The following RTN4 variants were observed in gnomAD, a reference collection of about 807,000 sequenced individuals.
The protein encoded by RTN4 is reticulon 4, also known as reticulon-4.
A neutral mutation model predicts 90.4 loss-of-function variants in RTN4; 32 were observed. The ratio of observed to expected loss-of-function variants is 0.35; its 90% CI spans 0.27 to 0.48. RTN4 has a LOEUF of 0.48. Among genes scored for constraint, RTN4 ranks in the 20% least tolerant of loss-of-function variants. RTN4 has a pLI of 0.99. For synonymous variants in RTN4, 629 were observed against 552.5 expected (o/e 1.14, Z -1.94); for missense variants, 1,706 against 1,430.2 (o/e 1.19, Z -3.11).
chr2:54,993,995 C>G (rs1378660309), intron 3 of RTN4, among the ~76,000 whole-genome samples: 3 of 152,320 alleles, frequency 2.0e-5, no homozygotes, highest in Middle Eastern at 3.4e-3. Context: ...GTGTGGCTGA[C>G]TTAATTGACA....
intron 3 of RTN4, among the ~76,000 whole-genome samples, chr2:54,998,690 G>A (rs1228650883): frequency 6.6e-6 from 1 of 152,076 alleles, no homozygotes; most frequent in Non-Finnish European, 1.5e-5. Context: ...TTGCTGCACT[G>A]TCTGAATAGC....
At chr2:55,124,626 A>T in the RTN4 span, among the ~76,000 whole-genome samples, 2 of 152,268 alleles carry the variant, frequency 1.3e-5, no homozygotes, top group Non-Finnish European at 2.9e-5. Context: ...GTATCATTAA[A>T]ATGGCTATAC....
At chr2:55,096,947 C>T (rs1431654121) in intron 1 of RTN4, among the ~76,000 whole-genome samples, 1 of 151,728 alleles carries the variant, frequency 6.6e-6, no homozygotes, top group Non-Finnish European at 1.5e-5. Context: ...TAGGTAGATG[C>T]GAGGTATTTA....
At position 55,100,036 on chromosome 2, in the gene RTN4, C is replaced by A. The variant is rs576758172; in HGVS notation, c.-214+12484G>T. ...TTTAGAGAACTAGTCTAAGTTACAT[C>A]TGCAACATTTGTCCTACTAATCTGC... is the stretch of plus-strand genomic sequence containing the variant. On this transcript the variant is annotated intron_variant, in intron 1 of 3. Coordinates refer to the RTN4 transcript ENST00000427710. 3.9e-5 allele frequency among the ~76,000 whole-genome samples: 6 copies of A among 152,220 alleles called. No homozygotes were observed. The South Asian group carries it at 1.2e-3, about 32-fold the overall frequency.
At chr2:55,010,050 T>C (rs765652891) in intron 3 of RTN4, 2 of 1,603,000 alleles carry the variant, frequency 1.2e-6, no homozygotes, top group African/African-American at 1.3e-5. Context: ...AGTGGTCACA[T>C]ATAAAAACTG....
At chr2:55,095,701 G>A (rs1201487782) in intron 1 of RTN4, among the ~76,000 whole-genome samples, 2 of 152,058 alleles carry the variant, frequency 1.3e-5, no homozygotes, top group Non-Finnish European at 2.9e-5. Flanking sequence ...ACCACACCTG[G>A]CTAATTTTTA....
the RTN4 span, among the ~76,000 whole-genome samples, chr2:55,130,723 G>C: frequency 5.9e-5 from 9 of 152,066 alleles, no homozygotes; most frequent in African/African-American, 1.2e-4. Flanking sequence ...ATTTACAATA[G>C]ATCTTGCCAA....
At chr2:55,037,250 C>T (rs1424033321) in intron 1 of RTN4, among the ~76,000 whole-genome samples, 1 of 152,164 alleles carries the variant, frequency 6.6e-6, no homozygotes, top group Non-Finnish European at 1.5e-5. Context: ...ACAGAGATAT[C>T]ACATTCATGG....
chr2:55,099,948 T>C (rs1667823984), intron 1 of RTN4, among the ~76,000 whole-genome samples: 1 of 152,132 alleles, frequency 6.6e-6, no homozygotes, highest in Admixed American at 6.5e-5. Flanking sequence ...GCTTACACTG[T>C]GGGTCAACTG....
At chr2:55,020,722 A>C (rs373069531) in intron 3 of RTN4, among the ~76,000 whole-genome samples, 1 of 152,212 alleles carries the variant, frequency 6.6e-6, no homozygotes, top group African/African-American at 2.4e-5. Flanking sequence ...TAAGAAAACA[A>C]GAACAGGAAA....
chr2:55,082,017 T>C (rs1340552574), intron 1 of RTN4, among the ~76,000 whole-genome samples: 1 of 152,214 alleles, frequency 6.6e-6, no homozygotes, highest in Non-Finnish European at 1.5e-5. Flanking sequence ...TAACAGCCAT[T>C]TGATTCTTTC....
At position 55,028,134 on chromosome 2, in the gene RTN4, G is replaced by C. The variant is rs773707128; in HGVS notation, c.613+30C>G. The C allele has an allele frequency of 3.8e-6, 6 of 1,596,010 alleles. No individual in the cohort carries two copies. In the African/African-American group the frequency reaches 5.4e-5, roughly 14 times the overall value. On this transcript the variant is annotated intron_variant, in intron 2 of 8. Transcript: ENST00000337526. Reference sequence around the variant, plus strand: ...TAAAGAGTTAAAGTTAGAATACAGAGAGGATAAAAGGCTGGCAGAAAGAAC... The same window carrying C: ...TAAAGAGTTAAAGTTAGAATACAGACAGGATAAAAGGCTGGCAGAAAGAAC...
intron 3 of RTN4, among the ~76,000 whole-genome samples, chr2:55,005,428 A>T (rs1042883522): frequency 3.9e-5 from 6 of 152,222 alleles, no homozygotes; most frequent in African/African-American, 1.4e-4. Context: ...CGAAATAGCT[A>T]TCTTAGAGTA....
intron 1 of RTN4, among the ~76,000 whole-genome samples, chr2:55,048,661 C>T (rs1280467029): frequency 6.6e-6 from 1 of 152,086 alleles, no homozygotes; most frequent in Non-Finnish European, 1.5e-5. Flanking sequence ...ACCTAAACGT[C>T]GTTATGAGGC....
At chr2:55,000,740 T>C (rs1432474130) in intron 3 of RTN4, among the ~76,000 whole-genome samples, 2 of 152,194 alleles carry the variant, frequency 1.3e-5, no homozygotes, top group East Asian at 3.8e-4. Flanking sequence ...ATTATACCTT[T>C]TGTATTTAAA....
chr2:54,980,821 ACCT>A (rs1245376019), intron 5 of RTN4, among the ~76,000 whole-genome samples: 2 of 152,174 alleles, frequency 1.3e-5, no homozygotes, highest in South Asian at 2.1e-4. Flanking sequence ...CGGCATCAGT[ACCT>A]CCTCCTCAAT....
rs145839248 is a variant in RTN4 at position 55,097,985 on chromosome 2, T to C, written c.-214+14535A>G. On this transcript the variant is annotated intron_variant, in intron 1 of 3. Coordinates refer to the RTN4 transcript ENST00000427710. The stretch of plus-strand genomic sequence containing the variant: ...CCTTCAGCCTCATCTTTCTCCTCTG[T>C]GCCCTTCCCCCAATCTCTTTTTCTA... Among the ~76,000 whole-genome samples, 534 of 152,210 alleles carry C rather than the reference T, an allele frequency of 3.5e-3. 7 individuals carry two copies. Among genetic ancestry groups the C allele is most frequent in the African/African-American group, 0.012 (518 of 41,482 alleles).
At chr2:55,070,799 C>A (rs1381320027) in intron 2 of RTN4, among the ~76,000 whole-genome samples, 1 of 151,220 alleles carries the variant, frequency 6.6e-6, no homozygotes, top group Admixed American at 6.6e-5. Context: ...TTTTTTTTGA[C>A]AGAGTCTCTC....
At chr2:55,065,884 G>C (rs1206858819) in intron 2 of RTN4, among the ~76,000 whole-genome samples, 4 of 152,188 alleles carry the variant, frequency 2.6e-5, no homozygotes, top group Non-Finnish European at 5.9e-5. Context: ...CTCTATACTT[G>C]ATTTGGATGG....
Sources: allele counts gnomAD v4.1 joint callset (sites outside exome capture counted in the v4.1 genomes callset), GRCh38; gene constraint gnomAD v4.1.1; transcripts MANE v1.5; gene names NCBI Gene and HGNC (gene_info 2026-07-23, HGNC 2026-07-21).